The following SMOC2 variants were observed in gnomAD, a reference collection of about 807,000 sequenced individuals.
SMOC2 encodes SPARC related modular calcium binding 2, also known as SPARC-related modular calcium-binding protein 2.
SMOC2 carries 39 observed loss-of-function variants against 61.4 expected under a neutral mutation model. That is an observed-to-expected ratio of 0.64 (90% CI 0.49 to 0.83). The LOEUF (loss-of-function observed/expected upper bound fraction) is 0.83, where lower values mean the gene tolerates loss of function less well. Among genes scored for constraint, SMOC2 ranks in the 40% least tolerant of loss-of-function variants. The probability of loss-of-function intolerance (pLI) is 0.00; values close to 1 mark genes in which losing one functional copy is unlikely to be tolerated. For synonymous variants in SMOC2, 247 were observed against 239.9 expected (o/e 1.03, Z -0.27); for missense variants, 556 against 592.9 (o/e 0.94, Z 0.65).
chr6:168,479,266 A>T (rs555356663), intron 1 of SMOC2, among the ~76,000 whole-genome samples: 28 of 152,370 alleles, frequency 1.8e-4, no homozygotes, highest in African/African-American at 6.5e-4. Flanking sequence ...TTAAGATACA[A>T]TGTTCGATTT....
intron 1 of SMOC2, among the ~76,000 whole-genome samples, chr6:168,495,216 G>C (rs928665784): frequency 6.6e-6 from 1 of 152,180 alleles, no homozygotes; most frequent in Non-Finnish European, 1.5e-5. Context: ...CACAAAGGAG[G>C]GACCTCCGGC....
Position 168,452,371 on chromosome 6 carries a change from G to T in SMOC2, c.84+10917G>T, listed in dbSNP as rs1369412490. ...TTTAAAATAACCAGAGTAAGCAGGG[G>T]GAGTGTGAGGCGGGCTGCCTGCCTG... On this transcript the variant is annotated intron_variant, in intron 1 of 12. Coordinates refer to ENST00000356284, the MANE Select transcript of SMOC2 (RefSeq NM_001166412.2). The surrounding 1 kb of genome is among the most constrained non-coding windows in gnomAD (Gnocchi z 5.0). 6.6e-6 allele frequency among the ~76,000 whole-genome samples: 1 copy of T among 152,176 alleles called. No homozygotes were observed. The highest frequency in any genetic ancestry group is 1.5e-5 in the Non-Finnish European group (1 of 68,038).
rs1782055168 is a variant in SMOC2 at position 168,475,393 on chromosome 6, A to C, written c.84+33939A>C. Among the ~76,000 whole-genome samples, 1 of 152,168 alleles carries C rather than the reference A, an allele frequency of 6.6e-6. No individual in the cohort carries two copies. The highest frequency in any genetic ancestry group is 1.5e-5 in the Non-Finnish European group (1 of 68,026). On this transcript the variant is annotated intron_variant, in intron 1 of 12. Coordinates refer to ENST00000356284, the MANE Select transcript of SMOC2 (RefSeq NM_001166412.2). The surrounding 1 kb of genome is among the most constrained non-coding windows in gnomAD (Gnocchi z 4.6). ...GAGCAGGTGCCAATGTCCCAGGCAC[A>C]GGTGGAAACACGTGGTGCGTACAAC...
chr6:168,504,643 C>G (rs935047554), intron 1 of SMOC2, among the ~76,000 whole-genome samples: 3 of 151,952 alleles, frequency 2.0e-5, no homozygotes, highest in Non-Finnish European at 4.4e-5. Context: ...CAGCAGATAT[C>G]CCCCCAGATC....
At chr6:168,584,861 T>C (rs1181737303) in intron 7 of SMOC2, among the ~76,000 whole-genome samples, 1 of 152,210 alleles carries the variant, frequency 6.6e-6, no homozygotes, top group East Asian at 1.9e-4. Flanking sequence ...CCTGTGGAAG[T>C]AGACAGCACA....
intron 11 of SMOC2, among the ~76,000 whole-genome samples, chr6:168,655,802 T>A (rs1410349019): frequency 2.0e-5 from 3 of 152,214 alleles, no homozygotes; most frequent in Non-Finnish European, 2.9e-5. Context: ...CCTTCATGTA[T>A]GTGCTGGATC....
At chr6:168,533,159 A>C (rs1783653557) in intron 4 of SMOC2, among the ~76,000 whole-genome samples, 1 of 151,984 alleles carries the variant, frequency 6.6e-6, no homozygotes, top group Non-Finnish European at 1.5e-5. Flanking sequence ...TCCCTGCTCT[A>C]GGAATTTCCT....
intron 7 of SMOC2, among the ~76,000 whole-genome samples, chr6:168,596,438 G>A (rs1297142675): frequency 6.8e-6 from 1 of 147,882 alleles, no homozygotes; most frequent in Non-Finnish European, 1.5e-5. Context: ...TGCTGCTGGA[G>A]GGGCATGAGC....
At chr6:168,631,033 G>C (rs1428343986) in intron 9 of SMOC2, among the ~76,000 whole-genome samples, 1 of 149,008 alleles carries the variant, frequency 6.7e-6, no homozygotes, top group Non-Finnish European at 1.5e-5. Context: ...CTTGCCTTGT[G>C]ATATTCTATT....
At position 168,446,311 on chromosome 6, in the gene SMOC2, C is replaced by T. The variant is rs562166715; in HGVS notation, c.84+4857C>T. ...CCAGGAGGCAGAGGTTGCAGTGAGC[C>T]GAGATCCTGCCATTGTACTCCAGCC... On this transcript the variant is annotated intron_variant, in intron 1 of 12. Coordinates refer to ENST00000356284, the MANE Select transcript of SMOC2 (RefSeq NM_001166412.2). Among the ~76,000 whole-genome samples, 6 of 152,214 alleles carry T rather than the reference C, an allele frequency of 3.9e-5. 1 individual carries two copies. In the East Asian group the frequency reaches 7.7e-4, roughly 20 times the overall value.
intron 9 of SMOC2, among the ~76,000 whole-genome samples, chr6:168,634,763 C>T (rs1485301877): frequency 6.6e-6 from 1 of 152,210 alleles, no homozygotes; most frequent in African/African-American, 2.4e-5. Flanking sequence ...CCATCGTAGA[C>T]ACTGTTTCTC....
chr6:168,515,565 C>T (rs753935307), intron 2 of SMOC2, among the ~76,000 whole-genome samples: 3 of 27,646 alleles, frequency 1.1e-4, no homozygotes, highest in Non-Finnish European at 3.0e-4. Context: ...GAAGCAGCCT[C>T]GCACCTGCAT....
chr6:168,661,812 C>G (rs546805853), intron 11 of SMOC2, among the ~76,000 whole-genome samples: 1 of 152,120 alleles, frequency 6.6e-6, no homozygotes, highest in Non-Finnish European at 1.5e-5. Flanking sequence ...GAATTTGAAC[C>G]GTTGGCTGAA....
intron 4 of SMOC2, among the ~76,000 whole-genome samples, chr6:168,538,535 T>G (rs1271206018): frequency 2.5e-5 from 1 of 40,176 alleles, no homozygotes; most frequent in Non-Finnish European, 4.7e-5. Flanking sequence ...TGTGGGGGAG[T>G]GGGGTGACCG....
chr6:168,486,960 C>T (rs927870905), intron 1 of SMOC2, among the ~76,000 whole-genome samples: 2 of 152,254 alleles, frequency 1.3e-5, no homozygotes, highest in East Asian at 3.9e-4. Flanking sequence ...CATACTCCGT[C>T]CCCTCACTCA....
chr6:168,636,864 GCCTCCCTCCTCCCGCCTCCCT>G, intron 9 of SMOC2, among the ~76,000 whole-genome samples: 1 of 75,450 alleles, frequency 1.3e-5, no homozygotes, highest in Admixed American at 1.4e-4. Flanking sequence ...CCCTCCTCCC[GCCTCCCTCCTCCCGCCTCCCT>G]CCTCCCACCT....
chr6:168,494,927 G>C (rs956457368), intron 1 of SMOC2, among the ~76,000 whole-genome samples: 7 of 152,222 alleles, frequency 4.6e-5, no homozygotes, highest in African/African-American at 1.7e-4. Context: ...GCAGTTCCTG[G>C]GGAATAGGGA....
chr6:168,575,510 A>T (rs1397909177), intron 7 of SMOC2, among the ~76,000 whole-genome samples: 1 of 152,136 alleles, frequency 6.6e-6, no homozygotes, highest in Non-Finnish European at 1.5e-5. Context: ...ACACAGCAGA[A>T]CTTCCCTTCA....
chr6:168,549,396 C>T (rs1271591723), intron 7 of SMOC2, among the ~76,000 whole-genome samples, 193 bp downstream of exon 7: 3 of 152,056 alleles, frequency 2.0e-5, no homozygotes, highest in Non-Finnish European at 4.4e-5. Context: ...TGTAGACTGG[C>T]AGCCTTACCC....
Sources: allele counts gnomAD v4.1 joint callset (sites outside exome capture counted in the v4.1 genomes callset), GRCh38; gene constraint gnomAD v4.1.1; non-coding constraint Gnocchi (gnomAD v3.1); transcripts MANE v1.5; gene names NCBI Gene and HGNC (gene_info 2026-07-23, HGNC 2026-07-21).